CD300LF: variants seen among roughly 807,000 people sequenced by gnomAD.
CD300LF encodes the protein CMRF35-like molecule 1.
In CD300LF, 27 loss-of-function variants were observed where a neutral mutation model predicts 32.2. That is an observed-to-expected ratio of 0.84 (90% confidence interval 0.62 to 1.15). The LOEUF (loss-of-function observed/expected upper bound fraction) is 1.15. Among genes scored for constraint, CD300LF ranks in the 50% most tolerant of loss-of-function variants. The pLI is 0.00. For synonymous variants in CD300LF, 139 were observed against 143.2 expected (o/e 0.97, Z 0.21); for missense variants, 348 against 356.8 (o/e 0.98, Z 0.20).
Position 74,694,992 on chromosome 17 carries a change from A to G in CD300LF, c.*104T>C. ...CAATGCTGGCTGATCAGGCAGAGGC[A>G]CCAGTCCCCGGGTTGGTCCTGATGA... On this transcript the variant is annotated 3_prime_UTR_variant, in exon 7 of 7. Transcript: ENST00000326165. 1.6e-6 allele frequency: 2 copies of G among 1,283,818 alleles called. No homozygotes were observed. The highest frequency in any genetic ancestry group is 2.2e-6 in the Non-Finnish European group (2 of 928,862). 79.5% of individuals were successfully genotyped at this position (1,283,818 alleles called of 1,614,324 possible).
intron 3 of CD300LF, 132 bp from the exon 4 acceptor site, chr17:74,698,613 C>T (rs1314040035): frequency 6.7e-7 from 1 of 1,494,744 alleles, no homozygotes; most frequent in Non-Finnish European, 8.9e-7. Flanking sequence ...AGCCTGGGAA[C>T]CCTCACTCCT....
intron 1 of CD300LF, among the ~76,000 whole-genome samples, chr17:74,705,552 A>G (rs1031656571): frequency 6.6e-6 from 1 of 152,072 alleles, no homozygotes; most frequent in African/African-American, 2.4e-5. Flanking sequence ...GGTATTATAG[A>G]CAGTAAGGCA....
intron 3 of CD300LF, among the ~76,000 whole-genome samples, chr17:74,700,459 G>T (rs548426220): frequency 6.6e-6 from 1 of 152,106 alleles, no homozygotes; most frequent in African/African-American, 2.4e-5. Flanking sequence ...AGAATCACTC[G>T]ACTGAGCGCG....
intron 1 of CD300LF, among the ~76,000 whole-genome samples, chr17:74,711,689 G>A (rs551088225): frequency 3.3e-5 from 5 of 152,150 alleles, no homozygotes; most frequent in East Asian, 3.9e-4. Flanking sequence ...AGCTGGTCCC[G>A]ATCCTGTGTC....
In CD300LF at chr17:74,698,454, G is replaced by A; in HGVS notation, c.474C>T (p.Leu158=). 2 of 1,613,974 alleles carry A rather than the reference G, an allele frequency of 1.2e-6. No homozygotes were observed. Among genetic ancestry groups the A allele is most frequent in the South Asian group, 1.1e-5 (1 of 91,070 alleles). Residue 158 remains leucine, a synonymous_variant, in exon 4 of 7, where the codon CTC becomes CTT. Coordinates refer to ENST00000326165, the MANE Select transcript of CD300LF (RefSeq NM_139018.5). ...NRHKLLKLSV[L]LPLIFTILLL... is the part of the protein sequence containing the mutation. ...GCAATATGGTGAAGATGAGGGGCAG[G>A]AGGACACTGAGCTTCAGGAGCTTGT...
chr17:74,696,024 T>C (rs2143555092), intron 5 of CD300LF, among the ~76,000 whole-genome samples, 165 bp from the exon 6 acceptor site: 1 of 152,178 alleles, frequency 6.6e-6, no homozygotes, highest in Middle Eastern at 3.4e-3. Flanking sequence ...TCAGCCCTTG[T>C]CCCCCTGGCT....
At chr17:74,703,670 C>T (rs114727173) in intron 2 of CD300LF, among the ~76,000 whole-genome samples, 34 of 152,316 alleles carry the variant, frequency 2.2e-4, no homozygotes, top group African/African-American at 8.2e-4. Flanking sequence ...AGACAATGCA[C>T]GTTCAGCACT....
chr17:74,712,773 C>T, intron 1 of CD300LF, 51 bp downstream of exon 1: 1 of 1,606,992 alleles, frequency 6.2e-7, no homozygotes, highest in Non-Finnish European at 8.5e-7. Context: ...TCTCAGCCAC[C>T]TCCTCCTGCT....
At chr17:74,696,647 C>A (rs529080354) in intron 4 of CD300LF, among the ~76,000 whole-genome samples, 1 of 152,238 alleles carries the variant, frequency 6.6e-6, no homozygotes, top group East Asian at 1.9e-4. Context: ...TCTAATCCCC[C>A]TCCCGGGCCC....
Position 74,695,822 on chromosome 17 carries a change from T to A in CD300LF, c.620A>T (p.Asp207Val), listed in dbSNP as rs145075298. 105 of 1,614,086 alleles carry A rather than the reference T, an allele frequency of 6.5e-5. No homozygotes were observed. The highest frequency in any genetic ancestry group is 4.6e-4 in the South Asian group (42 of 91,090). The change falls in exon 6 of 7, where the codon GAC (aspartate) becomes GTC (valine). Residue 207 changes from aspartate (D) to valine (V), a missense_variant. Physicochemically the swap from Asp to Val is radical, Grantham distance 152. Transcript: ENST00000326165. The part of the protein sequence containing the change: ...QPLEGDLCYA[D>V]LTLQLAGTSP... ...GGTTCCGGCCAGCTGCAGGGTCAGG[T>A]CTGCATAGCAGAGGTCGCCCTCCAG...
chr17:74,697,615 A>G (rs2032623258), intron 4 of CD300LF, among the ~76,000 whole-genome samples: 1 of 152,128 alleles, frequency 6.6e-6, no homozygotes, highest in South Asian at 2.1e-4. Context: ...GCTGTTCTAG[A>G]AGAGAAAGAG....
chr17:74,699,401 A>G (rs2032828360), intron 3 of CD300LF, among the ~76,000 whole-genome samples: 1 of 152,128 alleles, frequency 6.6e-6, no homozygotes, highest in African/African-American at 2.4e-5. Context: ...AGACCCGTGA[A>G]TGTGACCTAT....
chr17:74,712,697 A>T, intron 1 of CD300LF, 127 bp downstream of exon 1: 1 of 894,830 alleles, frequency 1.1e-6, no homozygotes, highest in South Asian at 1.5e-5. Flanking sequence ...AATGGTGGGT[A>T]TGTGGATGAA....
intron 6 of CD300LF, among the ~76,000 whole-genome samples, 164 bp downstream of exon 6, chr17:74,695,561 C>A (rs768324821): frequency 1.3e-4 from 20 of 152,170 alleles, no homozygotes; most frequent in Non-Finnish European, 1.9e-4. Context: ...CTGAGACTTG[C>A]CTGTGGGAGC....
intron 1 of CD300LF, among the ~76,000 whole-genome samples, chr17:74,706,436 T>G (rs1674716617): frequency 6.7e-6 from 1 of 150,116 alleles, no homozygotes; most frequent in South Asian, 2.1e-4. Context: ...AACATATATA[T>G]ATAAATTCCC....
At chr17:74,696,468 C>T (rs1297250546) in intron 4 of CD300LF, among the ~76,000 whole-genome samples, 1 of 152,226 alleles carries the variant, frequency 6.6e-6, no homozygotes, top group Non-Finnish European at 1.5e-5. Flanking sequence ...CATCATAGAA[C>T]TGTGCACTCA....
chr17:74,705,101 G>A (rs567226215), intron 1 of CD300LF: 1 of 664,242 alleles, frequency 1.5e-6, no homozygotes, highest in African/African-American at 1.8e-5. Flanking sequence ...CTACGGCCAA[G>A]GTAATCTGTA....
chr17:74,695,877 G>A lies in CD300LF; in HGVS notation c.583-18C>T. ...TGCAGTACCTGGGACAGGGAACACA[G>A]GCTGGGGAGTCACAAGATCTGTCTG... is the stretch of plus-strand genomic sequence containing the variant. On this transcript the variant is annotated intron_variant, in intron 5 of 6. Transcript: ENST00000326165. The A allele has an allele frequency of 1.9e-6, 3 of 1,609,046 alleles. No individual in the cohort carries two copies. The highest frequency in any genetic ancestry group is 1.7e-6 in the Non-Finnish European group (2 of 1,176,842).
In CD300LF at chr17:74,712,904, C is replaced by T. The variant is rs371126964; in HGVS notation, c.-38G>A. 7 of 1,609,864 alleles carry T rather than the reference C, an allele frequency of 4.3e-6. No individual in the cohort carries two copies. The African/African-American group carries it at 5.3e-5, about 12-fold the overall frequency. ...CAGGTCCCCGTTCCCCTCAGTGGAG[C>T]CTGGCAGCAGGAACAAACTACAGAC... is the stretch of plus-strand genomic sequence containing the variant. On this transcript the variant is annotated 5_prime_UTR_variant, in exon 1 of 7. Transcript: ENST00000326165.
Sources: allele counts gnomAD v4.1 joint callset (sites outside exome capture counted in the v4.1 genomes callset), GRCh38; gene constraint gnomAD v4.1.1; transcripts MANE v1.5; gene names NCBI Gene and HGNC (gene_info 2026-07-23, HGNC 2026-07-21).